ARHGAP42: variants seen among roughly 807,000 people sequenced by gnomAD.
The protein encoded by ARHGAP42 is Rho GTPase activating protein 42, also known as rho GTPase-activating protein 42.
A neutral mutation model predicts 125.0 loss-of-function variants in ARHGAP42; 63 were observed. The ratio of observed to expected loss-of-function variants is 0.50; its 90% CI spans 0.41 to 0.62. ARHGAP42 has a LOEUF of 0.62. ARHGAP42 is among the 20% of genes least tolerant of loss of function. The probability of loss-of-function intolerance (pLI) is 0.00; values close to 1 mark genes in which losing one functional copy is unlikely to be tolerated. For synonymous variants in ARHGAP42, 339 were observed against 351.0 expected (o/e 0.97, Z 0.38); for missense variants, 766 against 1,024.2 (o/e 0.75, Z 3.44).
At chr11:100,795,413 T>A (rs1377611959) in intron 3 of ARHGAP42, among the ~76,000 whole-genome samples, 1 of 152,224 alleles carries the variant, frequency 6.6e-6, no homozygotes, top group Non-Finnish European at 1.5e-5. Flanking sequence ...CCATTTACTG[T>A]TCTAAGGATT....
chr11:100,987,546 GCA>G lies in ARHGAP42; in HGVS notation c.2493_2494del (p.His831GlnfsTer3), dbSNP rs1410659337. 6.4e-7 allele frequency: 1 copy of G among 1,551,852 alleles called. No individual in the cohort carries two copies. Among genetic ancestry groups the G allele is most frequent in the Admixed American group, 2.0e-5 (1 of 50,988 alleles). The stretch of plus-strand genomic sequence containing the variant: ...AAGCCATGTACTCCTGTAAAGCAGA[GCA>G]CAGTCATGAGCTTTCCTTCCCACAA... ...AKAMYSCKAE[H>X]SHELSFPQGA... On this transcript the variant is annotated frameshift_variant, in exon 23 of 24. Transcript: ENST00000298815. LOFTEE classifies it high-confidence loss of function.
chr11:100,943,478 A>G (rs556049596), intron 9 of ARHGAP42, among the ~76,000 whole-genome samples: 2 of 152,246 alleles, frequency 1.3e-5, no homozygotes, highest in African/African-American at 4.8e-5. Flanking sequence ...ATTGTACATT[A>G]TAGTATAATT....
chr11:100,871,587 A>G (rs1865698005), intron 4 of ARHGAP42, among the ~76,000 whole-genome samples: 1 of 151,650 alleles, frequency 6.6e-6, no homozygotes, highest in Non-Finnish European at 1.5e-5. Context: ...GCCTGTTTCC[A>G]GTATAAAAAT....
At chr11:100,715,076 T>C (rs2455569) in intron 1 of ARHGAP42, among the ~76,000 whole-genome samples, 101,691 of 134,512 alleles carry the variant, frequency 0.76, 39,736 homozygotes, top group African/African-American at 0.93. Flanking sequence ...AAAAAAAAAG[T>C]TTATTTAAAC....
chr11:100,918,856 C>T (rs1867155636), intron 5 of ARHGAP42, among the ~76,000 whole-genome samples: 1 of 152,062 alleles, frequency 6.6e-6, no homozygotes, highest in South Asian at 2.1e-4. Context: ...CTTCTCATTC[C>T]CCTTTTTGGA....
At chr11:100,841,018 A>T (rs1318568165) in intron 3 of ARHGAP42, among the ~76,000 whole-genome samples, 1 of 152,140 alleles carries the variant, frequency 6.6e-6, no homozygotes, top group Non-Finnish European at 1.5e-5. Context: ...TCAGTGTAGT[A>T]TAACTTTGAC....
chr11:100,973,143 CTT>C (rs1858297175), intron 17 of ARHGAP42, 30 bp from the exon 18 acceptor site: 2 of 1,481,282 alleles, frequency 1.4e-6, no homozygotes, highest in African/African-American at 1.4e-5. Context: ...AAACATATAA[CTT>C]AAGATATTTT....
chr11:100,765,246 T>C (rs1862802286), intron 1 of ARHGAP42, among the ~76,000 whole-genome samples: 1 of 152,222 alleles, frequency 6.6e-6, no homozygotes, highest in East Asian at 1.9e-4. Context: ...TTGTTACATC[T>C]TTCAAGTCCC....
intron 4 of ARHGAP42, among the ~76,000 whole-genome samples, chr11:100,896,951 T>C (rs573375742): frequency 1.3e-5 from 2 of 152,334 alleles, no homozygotes; most frequent in East Asian, 3.9e-4. Flanking sequence ...TAGGTTTTCT[T>C]CTAGGGATTT....
At chr11:100,904,247 C>CTCT (rs529186661) in intron 4 of ARHGAP42, among the ~76,000 whole-genome samples, 7,665 of 143,808 alleles carry the variant, frequency 0.053, 352 homozygotes, top group East Asian at 0.25. Context: ...TTTCCTCTCT[C>CTCT]TTTTTTTTTT....
chr11:100,796,048 T>C (rs1291550530), intron 3 of ARHGAP42, among the ~76,000 whole-genome samples: 1 of 152,240 alleles, frequency 6.6e-6, no homozygotes, highest in Non-Finnish European at 1.5e-5. Context: ...TTTTTGTTTT[T>C]CGTTTGTTTT....
intron 3 of ARHGAP42, among the ~76,000 whole-genome samples, chr11:100,827,918 A>G (rs59305062): frequency 0.024 from 3,633 of 152,300 alleles, 83 homozygotes; most frequent in Middle Eastern, 0.068. Flanking sequence ...TACAAAACAT[A>G]GGTTCTCTCC....
chr11:100,804,121 C>T (rs941790348), intron 3 of ARHGAP42, among the ~76,000 whole-genome samples: 1 of 152,186 alleles, frequency 6.6e-6, no homozygotes, highest in Non-Finnish European at 1.5e-5. Context: ...AGGCACATGC[C>T]ACCATGGGCA....
intron 4 of ARHGAP42, among the ~76,000 whole-genome samples, chr11:100,861,173 A>G (rs1865436181): frequency 6.6e-6 from 1 of 152,192 alleles, no homozygotes; most frequent in Non-Finnish European, 1.5e-5. Flanking sequence ...GAAAAAGGGG[A>G]CACAATGGTG....
At chr11:100,924,454 G>T (rs1867364057) in intron 6 of ARHGAP42, among the ~76,000 whole-genome samples, 1 of 151,880 alleles carries the variant, frequency 6.6e-6, no homozygotes, top group African/African-American at 2.4e-5. Context: ...ATCGCTTGAG[G>T]TCAGGAGTTC....
rs74627033 is a variant in ARHGAP42, at chr11:100,975,560, A to C, written c.1856-497A>C. On this transcript the variant is annotated intron_variant, in intron 19 of 23. Transcript: ENST00000298815. ...TTGAGGTACTTGTAATTTACTACTG[A>C]CATTTAATGGTGCCTTTGAATGAAA... Among the ~76,000 whole-genome samples, 1,184 of 152,284 alleles carry C rather than the reference A, an allele frequency of 7.8e-3. 13 individuals carry two copies. The highest frequency in any genetic ancestry group is 0.027 in the African/African-American group (1,104 of 41,564).
At chr11:100,835,903 A>T (rs1864777021) in intron 3 of ARHGAP42, among the ~76,000 whole-genome samples, 1 of 152,116 alleles carries the variant, frequency 6.6e-6, no homozygotes, top group African/African-American at 2.4e-5. Context: ...AATATTTCTT[A>T]TCACATGATT....
chr11:100,791,650 T>C (rs1446753700), intron 2 of ARHGAP42, among the ~76,000 whole-genome samples: 7 of 151,680 alleles, frequency 4.6e-5, no homozygotes, highest in Admixed American at 3.9e-4. Flanking sequence ...AGACACCCAG[T>C]CGTAATTTTT....
intron 8 of ARHGAP42, among the ~76,000 whole-genome samples, chr11:100,940,111 T>C (rs574752781): frequency 6.6e-6 from 1 of 152,298 alleles, no homozygotes; most frequent in East Asian, 1.9e-4. Context: ...TTAATTGTAA[T>C]AATCTTTTGT....
Sources: gnomAD v4.1 joint callset for allele counts (sites outside exome capture counted in the v4.1 genomes callset) on GRCh38, gnomAD v4.1.1 for gene constraint, MANE v1.5 for transcripts, NCBI Gene and HGNC (gene_info 2026-07-23, HGNC 2026-07-21) for gene names.